Variants in ZNF565 observed in about 807,000 individuals in gnomAD.
ZNF565 encodes the protein zinc finger protein 565.
A neutral mutation model predicts 39.4 loss-of-function variants in ZNF565; 27 were observed. The observed-to-expected ratio is 0.69, with a 90% confidence interval of 0.51 to 0.95. The LOEUF (loss-of-function observed/expected upper bound fraction) is 0.95, where lower values mean the gene tolerates loss of function less well. Ranked by LOEUF, ZNF565 falls within the 40% of genes least tolerant of loss-of-function variation. The pLI is 0.00. For missense variants in ZNF565, 524 were observed against 621.1 expected, an observed-to-expected ratio of 0.84 and a Z score of 1.66; for synonymous variants, 185 against 216.6, an observed-to-expected ratio of 0.85 and a Z score of 1.28.
At position 36,182,914 on chromosome 19, in the gene ZNF565, G is replaced by C. The variant is rs757394732; in HGVS notation, c.1052C>G (p.Thr351Ser). The C allele has an allele frequency of 1.9e-6, 3 of 1,613,280 alleles. No homozygotes were observed. In the African/African-American group the frequency reaches 4.0e-5, roughly 22 times the overall value. ...GKGFIHSSEVTRHQRIHSGEK... is the reference protein window; with the variant it reads ...GKGFIHSSEVSRHQRIHSGEK... ...CCCAGAATGAATTCTTTGATGTCGA[G>C]TAACTTCTGAGCTGTGAATAAAGCC... is the stretch of plus-strand genomic sequence containing the variant. Residue 351 changes from threonine to serine, a missense_variant, in exon 5 of 5, where the codon ACT becomes AGT. Thr to Ser is a moderately conservative substitution (Grantham distance 58). Coordinates refer to ENST00000304116, the MANE Select transcript of ZNF565 (RefSeq NM_152477.5).
At chr19:36,206,252 T>C (rs772836940) in intron 1 of ZNF565, among the ~76,000 whole-genome samples, 1 of 152,058 alleles carries the variant, frequency 6.6e-6, no homozygotes, top group Non-Finnish European at 1.5e-5. Flanking sequence ...TGGGCCATTG[T>C]GTCTGGCTGG....
At position 36,190,563 on chromosome 19, in the gene ZNF565, C is replaced by T. The variant is rs556176641; in HGVS notation, c.232+3670G>A. Among the ~76,000 whole-genome samples, 14 of 139,330 alleles carry T rather than the reference C, an allele frequency of 1.0e-4. 1 individual carries two copies. In the South Asian group the frequency reaches 2.5e-3, roughly 25 times the overall value. The allele number at this position is 139,330 out of a possible 152,430, so 91.4% of individuals were successfully genotyped here. A position where few individuals can be genotyped will look rare whatever the true frequency, so the allele number is the denominator to read the frequency against. On this transcript the variant is annotated intron_variant, in intron 4 of 4. Transcript: ENST00000304116. ...TGCACTCCAGTCTGGACAACAAGGG[C>T]GAAACTCCATCTCAAAAAAAAAAAA...
At chr19:36,218,654 A>G (rs1357729672), upstream of ZNF565, among the ~76,000 whole-genome samples, 1 of 151,780 alleles carries the variant, frequency 6.6e-6, no homozygotes, top group African/African-American at 2.4e-5. Context: ...TATTTTTAGT[A>G]GAGATGGGGT....
rs1168262336 is a variant in ZNF565, at chr19:36,233,417, GA to G, written c.55+12058del. Among the ~76,000 whole-genome samples the G allele has an allele frequency of 1.6e-4, 24 of 152,246 alleles. No individual in the cohort carries two copies. The Middle Eastern group carries it at 0.014, about 86-fold the overall frequency. On this transcript the variant is annotated intron_variant, in intron 1 of 4. Coordinates refer to the ZNF565 transcript ENST00000355114. ...CTCGTCAGGTGGAAGGACTGACTTG[GA>G]AAAGAAAGAGACACAGAAACAAAGT... is the stretch of plus-strand genomic sequence containing the variant.
intron 1 of ZNF565, among the ~76,000 whole-genome samples, chr19:36,231,341 C>T (rs919993234): frequency 6.6e-6 from 1 of 152,124 alleles, no homozygotes; most frequent in African/African-American, 2.4e-5. Flanking sequence ...TCCTGAGTAG[C>T]TGGGACTACA....
intron 4 of ZNF565, among the ~76,000 whole-genome samples, chr19:36,191,855 CAAA>C: frequency 6.6e-6 from 1 of 152,086 alleles, no homozygotes. Flanking sequence ...TGATGGATGC[CAAA>C]ATCGGAGTGG....
intron 2 of ZNF565, among the ~76,000 whole-genome samples, chr19:36,199,736 G>A (rs1423102050): frequency 6.6e-6 from 1 of 152,064 alleles, no homozygotes. Context: ...GGCTGGTCTT[G>A]TACTCCTGAG....
intron 4 of ZNF565, among the ~76,000 whole-genome samples, chr19:36,193,677 G>A (rs528450169): frequency 7.9e-5 from 12 of 152,148 alleles, no homozygotes; most frequent in African/African-American, 1.2e-4. Context: ...TCCTCACCTC[G>A]TGATCCGCCC....
intron 2 of ZNF565, among the ~76,000 whole-genome samples, chr19:36,200,913 T>A (rs1017674640): frequency 3.3e-5 from 5 of 151,916 alleles, no homozygotes; most frequent in Non-Finnish European, 7.4e-5. Context: ...GCCTCTCAAG[T>A]AGCTGCGATT....
At chr19:36,187,367 C>CT (rs568132975) in intron 4 of ZNF565, among the ~76,000 whole-genome samples, 9,705 of 148,504 alleles carry the variant, frequency 0.065, 318 homozygotes, top group Middle Eastern at 0.097. Context: ...GACAGAGTCT[C>CT]TTTTTTTTTT....
At chr19:36,239,048 T>C (rs1386343767) in intron 1 of ZNF565, among the ~76,000 whole-genome samples, 1 of 152,206 alleles carries the variant, frequency 6.6e-6, no homozygotes, top group Non-Finnish European at 1.5e-5. Context: ...ATCCCCATTC[T>C]TCTACCCCCA....
intron 1 of ZNF565, among the ~76,000 whole-genome samples, chr19:36,234,239 A>G (rs953603031): frequency 1.5e-4 from 23 of 152,162 alleles, no homozygotes; most frequent in African/African-American, 5.3e-4. Context: ...AGGCAGAATA[A>G]TTTTTCTTAG....
intron 1 of ZNF565, among the ~76,000 whole-genome samples, chr19:36,214,159 A>C (rs1039602472): frequency 2.0e-4 from 31 of 151,584 alleles, no homozygotes; most frequent in Non-Finnish European, 4.1e-4. Flanking sequence ...CATACACACA[A>C]ACACACACAC....
At chr19:36,242,341 G>A (rs1166738819) in intron 1 of ZNF565, among the ~76,000 whole-genome samples, 1 of 152,026 alleles carries the variant, frequency 6.6e-6, no homozygotes. Context: ...CACGGGAGGT[G>A]GAGGTTGCAG....
At chr19:36,236,351 G>A in intron 1 of ZNF565, 1 of 1,444,134 alleles carries the variant, frequency 6.9e-7, no homozygotes, top group Non-Finnish European at 9.3e-7. Context: ...TAAGAGATGT[G>A]GAAATATCTT....
intron 1 of ZNF565, among the ~76,000 whole-genome samples, chr19:36,227,868 A>C (rs1977143519): frequency 1.3e-5 from 2 of 152,154 alleles, no homozygotes; most frequent in Non-Finnish European, 2.9e-5. Flanking sequence ...GACATCTCTA[A>C]TATGAAATAG....
intron 1 of ZNF565, among the ~76,000 whole-genome samples, chr19:36,207,625 G>C (rs910721179): frequency 9.2e-5 from 14 of 151,972 alleles, no homozygotes; most frequent in African/African-American, 3.4e-4. Flanking sequence ...ATGGGTCTTA[G>C]CCAGTGTGGA....
chr19:36,183,339 G>A lies in ZNF565; in HGVS notation c.627C>T (p.His209=). 1 of 1,610,468 alleles carries A rather than the reference G, an allele frequency of 6.2e-7. No homozygotes were observed. The highest frequency in any genetic ancestry group is 2.2e-5 in the East Asian group (1 of 44,648). Residue 209 remains histidine (H), a synonymous_variant, in exon 5 of 5, where the codon CAC becomes CAT. Coordinates refer to ENST00000304116, the MANE Select transcript of ZNF565 (RefSeq NM_152477.5). ...ECGKAFSRAS[H]LVQHQRIHTG... is the part of the protein sequence containing the mutation. ...TGTGAATTCTCTGATGCTGAACAAG[G>A]TGTGAGGCACGGCTGAAGGCCTTCC...
chr19:36,215,422 G>T (rs138330976), upstream of ZNF565, among the ~76,000 whole-genome samples: 704 of 152,160 alleles, frequency 4.6e-3, 3 homozygotes, highest in Non-Finnish European at 8.6e-3. Context: ...AACTGGGTGC[G>T]GGATTGTGTG....
Sources: allele counts gnomAD v4.1 joint callset (sites outside exome capture counted in the v4.1 genomes callset), GRCh38; gene constraint gnomAD v4.1.1; transcripts MANE v1.5; gene names NCBI Gene and HGNC (gene_info 2026-07-23, HGNC 2026-07-21).